Variants in B4GALT6 observed in about 807,000 individuals in gnomAD.
B4GALT6 encodes UDP-Gal:beta-GlcNAc beta-1,4-galactosyltransferase 6.
A neutral mutation model predicts 46.3 loss-of-function variants in B4GALT6; 14 were observed. That is an observed-to-expected ratio of 0.30 (90% CI 0.20 to 0.47). The LOEUF (loss-of-function observed/expected upper bound fraction) is 0.47. Ranked by LOEUF, B4GALT6 falls within the 20% of genes least tolerant of loss-of-function variation. The pLI, the probability that B4GALT6 is intolerant of heterozygous loss-of-function variation, is 0.99. For missense variants in B4GALT6, 386 were observed against 480.1 expected (o/e 0.80, Z 1.83); for synonymous variants, 168 against 162.0 (o/e 1.04, Z -0.28).
At chr18:31,678,055 T>G (rs1477683402) in intron 1 of B4GALT6, among the ~76,000 whole-genome samples, 4 of 152,116 alleles carry the variant, frequency 2.6e-5, no homozygotes, top group Admixed American at 2.6e-4. Context: ...AAAGACAGTG[T>G]GGGTGGCGGA....
chr18:31,640,815 C>A (rs2073920928), intron 4 of B4GALT6, among the ~76,000 whole-genome samples: 2 of 152,226 alleles, frequency 1.3e-5, no homozygotes, highest in African/African-American at 4.8e-5. Flanking sequence ...GGCTTCAGCG[C>A]CAATGGCTGG....
upstream of B4GALT6, among the ~76,000 whole-genome samples, chr18:31,688,155 G>C (rs1173863653): frequency 6.6e-6 from 1 of 151,570 alleles, no homozygotes; most frequent in Admixed American, 6.6e-5. Flanking sequence ...ATTATGCTTA[G>C]ACAATTGAAT....
intron 7 of B4GALT6, 22 bp downstream of exon 7, chr18:31,626,977 A>T: frequency 6.3e-7 from 1 of 1,588,400 alleles, no homozygotes; most frequent in Non-Finnish European, 8.5e-7. Context: ...TCTATTAGTG[A>T]ACAATTTGTA....
At chr18:31,707,218 A>C in the B4GALT6 span, among the ~76,000 whole-genome samples, 1 of 144,868 alleles carries the variant, frequency 6.9e-6, no homozygotes, top group East Asian at 2.1e-4. Context: ...TTATTTTAAA[A>C]TTTCTTTTCT....
chr18:31,703,088 A>AT, the B4GALT6 span, among the ~76,000 whole-genome samples: 1 of 152,122 alleles, frequency 6.6e-6, no homozygotes, highest in Non-Finnish European at 1.5e-5. Context: ...TATTCTTTTG[A>AT]TAAAAAAAAT....
upstream of B4GALT6, among the ~76,000 whole-genome samples, chr18:31,687,964 A>C (rs1247937638): frequency 6.6e-6 from 1 of 152,100 alleles, no homozygotes; most frequent in Admixed American, 6.5e-5. Flanking sequence ...AAAAATATCT[A>C]ATTTTTTTCA....
chr18:31,637,193 T>C (rs2073870079), intron 5 of B4GALT6, among the ~76,000 whole-genome samples: 2 of 152,228 alleles, frequency 1.3e-5, no homozygotes, highest in African/African-American at 4.8e-5. Context: ...TTCAACTCTA[T>C]TTAAATTAAC....
intron 4 of B4GALT6, among the ~76,000 whole-genome samples, chr18:31,644,290 G>A (rs1195848600): frequency 6.6e-6 from 1 of 152,174 alleles, no homozygotes; most frequent in Non-Finnish European, 1.5e-5. Context: ...ACTGTGTTTA[G>A]TGCTTACCTT....
At chr18:31,719,569 A>G in the B4GALT6 span, among the ~76,000 whole-genome samples, 2 of 152,186 alleles carry the variant, frequency 1.3e-5, no homozygotes, top group Non-Finnish European at 2.9e-5. Flanking sequence ...CCAATTTACC[A>G]AGACAGGGGG....
At chr18:31,636,885 A>G (rs1030910462) in intron 5 of B4GALT6, among the ~76,000 whole-genome samples, 1 of 152,214 alleles carries the variant, frequency 6.6e-6, no homozygotes, top group Non-Finnish European at 1.5e-5. Context: ...GCAGTGGCGC[A>G]ATCTTGGCTC....
In B4GALT6 at chr18:31,629,409, AAATT is replaced by A. The variant is rs532487071; in HGVS notation, c.776+1546_776+1549del. ...ACAAATTCATTTAGAATTTAACAAT[AAATT>A]AATTTAGAATTCTTAGTTTATATGC... On this transcript the variant is annotated intron_variant, in intron 6 of 8. Coordinates refer to ENST00000306851, the MANE Select transcript of B4GALT6 (RefSeq NM_004775.5). Among the ~76,000 whole-genome samples the A allele has an allele frequency of 4.7e-5, 7 of 148,550 alleles. No homozygotes were observed. The East Asian group carries it at 1.2e-3, about 26-fold the overall frequency.
chr18:31,639,428 C>CA (rs1391492251), intron 4 of B4GALT6, among the ~76,000 whole-genome samples: 1 of 151,970 alleles, frequency 6.6e-6, no homozygotes, highest in Non-Finnish European at 1.5e-5. Flanking sequence ...TAATAGAAAC[C>CA]AAAATCTTCA....
At chr18:31,635,292 T>C (rs555568767) in intron 5 of B4GALT6, among the ~76,000 whole-genome samples, 1 of 150,896 alleles carries the variant, frequency 6.6e-6, no homozygotes, top group East Asian at 1.9e-4. Flanking sequence ...CTCCACACAT[T>C]ATGGGGAATT....
At chr18:31,648,835 T>C (rs2074024291) in intron 3 of B4GALT6, among the ~76,000 whole-genome samples, 2 of 152,228 alleles carry the variant, frequency 1.3e-5, no homozygotes, top group Admixed American at 1.3e-4. Context: ...AGAGAGTTGT[T>C]TGTTCTATAA....
At chr18:31,723,836 C>T in the B4GALT6 span, among the ~76,000 whole-genome samples, 1 of 152,286 alleles carries the variant, frequency 6.6e-6, no homozygotes, top group East Asian at 1.9e-4. Flanking sequence ...AAAAGCATCT[C>T]TCGGATTTCA....
the B4GALT6 span, among the ~76,000 whole-genome samples, chr18:31,696,061 C>T: frequency 0.047 from 7,137 of 152,210 alleles, 451 homozygotes; most frequent in African/African-American, 0.13. Context: ...CACAGACACA[C>T]AATCCCTGGG....
chr18:31,662,772 C>T (rs1377156698), intron 2 of B4GALT6, among the ~76,000 whole-genome samples: 3 of 151,972 alleles, frequency 2.0e-5, no homozygotes, highest in African/African-American at 4.8e-5. Flanking sequence ...ACCCAGGAGG[C>T]GGAGCTTGCA....
intron 2 of B4GALT6, among the ~76,000 whole-genome samples, chr18:31,658,886 A>G (rs1196524821): frequency 6.6e-6 from 1 of 152,218 alleles, no homozygotes; most frequent in African/African-American, 2.4e-5. Flanking sequence ...TGTAGCTATG[A>G]GCGATTAGAG....
At chr18:31,642,236 G>A (rs1173524913) in intron 4 of B4GALT6, among the ~76,000 whole-genome samples, 1 of 152,056 alleles carries the variant, frequency 6.6e-6, no homozygotes, top group Non-Finnish European at 1.5e-5. Flanking sequence ...GGAGTACAGT[G>A]GTGTGATCAC....
Sources: allele counts gnomAD v4.1 joint callset (sites outside exome capture counted in the v4.1 genomes callset), GRCh38; gene constraint gnomAD v4.1.1; transcripts MANE v1.5; gene names NCBI Gene and HGNC (gene_info 2026-07-23, HGNC 2026-07-21).